Variants in DOCK7 observed in about 807,000 individuals in gnomAD.
DOCK7 encodes the protein dedicator of cytokinesis protein 7.
In DOCK7, 138 loss-of-function variants were observed where a neutral mutation model predicts 271.0. That is an observed-to-expected ratio of 0.51 (90% CI 0.44 to 0.59). The LOEUF (loss-of-function observed/expected upper bound fraction) is 0.59, where lower values mean the gene tolerates loss of function less well. Ranked by LOEUF, DOCK7 falls within the 20% of genes least tolerant of loss-of-function variation. DOCK7 has a pLI of 0.00. For synonymous variants in DOCK7, 823 were observed against 876.1 expected, an observed-to-expected ratio of 0.94 and a Z score of 1.07; for missense variants, 2,066 against 2,592.4, an observed-to-expected ratio of 0.80 and a Z score of 4.41.
At chr1:62,503,505 A>G (rs1250727450) in intron 37 of DOCK7, among the ~76,000 whole-genome samples, 1 of 151,588 alleles carries the variant, frequency 6.6e-6, no homozygotes, top group African/African-American at 2.4e-5. Context: ...TGGTGTGTTC[A>G]TAGCTCACTG....
intron 14 of DOCK7, among the ~76,000 whole-genome samples, chr1:62,589,129 G>T (rs1037838942): frequency 2.0e-5 from 3 of 152,206 alleles, no homozygotes; most frequent in Non-Finnish European, 2.9e-5. Flanking sequence ...CATTTATGAA[G>T]AGTGCTTTCC....
In DOCK7 at chr1:62,577,728, A is replaced by C. The variant is rs537483104; in HGVS notation, c.2011-365T>G. On this transcript the variant is annotated intron_variant, in intron 17 of 49. Transcript: ENST00000635253. The stretch of plus-strand genomic sequence containing the variant: ...AATTGATTGAGACAGGAATGATAGA[A>C]ACAAAAAGTATGATCATAAATTTAT... 3.9e-5 allele frequency among the ~76,000 whole-genome samples: 6 copies of C among 152,326 alleles called. No individual in the cohort carries two copies. In the South Asian group the frequency reaches 1.2e-3, roughly 32 times the overall value.
intron 1 of DOCK7, among the ~76,000 whole-genome samples, chr1:62,676,416 GT>G (rs1660554705): frequency 6.6e-6 from 1 of 152,162 alleles, no homozygotes; most frequent in African/African-American, 2.4e-5. Flanking sequence ...AATTTTTTGG[GT>G]GATGGAAACG....
chr1:62,502,091 G>C lies in DOCK7; in HGVS notation c.4764+2539C>G, dbSNP rs184064880. ...AACTTTCACTATTTGCTTGATAGAA[G>C]GAAATAAGTTCTGGCTACTAGATAT... is the stretch of plus-strand genomic sequence containing the variant. On this transcript the variant is annotated intron_variant, in intron 37 of 49. Coordinates refer to ENST00000635253, the MANE Select transcript of DOCK7 (RefSeq NM_001367561.1). Among the ~76,000 whole-genome samples the C allele has an allele frequency of 3.5e-3, 535 of 151,944 alleles. 7 individuals are homozygous for C. The highest frequency in any genetic ancestry group is 0.012 in the African/African-American group (515 of 41,422).
intron 18 of DOCK7, among the ~76,000 whole-genome samples, chr1:62,573,278 G>C (rs1008072877): frequency 1.3e-5 from 2 of 152,198 alleles, no homozygotes; most frequent in African/African-American, 2.4e-5. Context: ...AGTGCAGAGA[G>C]AAAGGGATGT....
Position 62,658,362 on chromosome 1 carries a change from G to A in DOCK7, c.145-4203C>T, listed in dbSNP as rs138832406. The stretch of plus-strand genomic sequence containing the variant: ...CCAGCTACTCGGGAGGCTGCGGCAT[G>A]AGAATCGCTTGAATCTGCCTCCAGG... On this transcript the variant is annotated intron_variant, in intron 2 of 49. Coordinates refer to ENST00000635253, the MANE Select transcript of DOCK7 (RefSeq NM_001367561.1). Among the ~76,000 whole-genome samples the A allele has an allele frequency of 3.9e-3, 588 of 152,086 alleles. 7 individuals carry two copies. The highest frequency in any genetic ancestry group is 0.013 in the African/African-American group (524 of 41,502).
intron 18 of DOCK7, among the ~76,000 whole-genome samples, chr1:62,565,005 G>T (rs978312325): frequency 6.6e-6 from 1 of 152,148 alleles, no homozygotes; most frequent in East Asian, 1.9e-4. Context: ...CCAGGAAGAA[G>T]TCGAATCCCT....
intron 7 of DOCK7, chr1:62,641,579 C>T (rs1656030260): frequency 2.1e-6 from 1 of 473,828 alleles, no homozygotes; most frequent in Admixed American, 2.3e-5. Flanking sequence ...TAACTTGTTT[C>T]TGTAGAAATT....
intron 41 of DOCK7, among the ~76,000 whole-genome samples, chr1:62,489,954 A>G (rs1023005997): frequency 6.6e-6 from 1 of 152,096 alleles, no homozygotes; most frequent in Non-Finnish European, 1.5e-5. Flanking sequence ...TTGAGCCACC[A>G]GATTTCCTTC....
At chr1:62,678,754 CTAAGA>C (rs1660799029) in intron 1 of DOCK7, among the ~76,000 whole-genome samples, 1 of 151,734 alleles carries the variant, frequency 6.6e-6, no homozygotes, top group Non-Finnish European at 1.5e-5. Flanking sequence ...CTGATTATAC[CTAAGA>C]TTATTTATAA....
intron 16 of DOCK7, among the ~76,000 whole-genome samples, chr1:62,580,542 C>T (rs1204132651): frequency 6.6e-6 from 1 of 152,072 alleles, no homozygotes; most frequent in Admixed American, 6.6e-5. Context: ...CACTTCTGTC[C>T]TAAAAATCAT....
chr1:62,652,565 C>T (rs1657519858), intron 4 of DOCK7, among the ~76,000 whole-genome samples: 1 of 151,960 alleles, frequency 6.6e-6, no homozygotes, highest in Non-Finnish European at 1.5e-5. Context: ...ATAAAATGCC[C>T]AGCACACAGT....
At position 62,662,524 on chromosome 1, in the gene DOCK7, AG is replaced by A. The variant is rs1416861088; in HGVS notation, c.144+500del. 2.6e-5 allele frequency among the ~76,000 whole-genome samples: 4 copies of A among 152,244 alleles called. No homozygotes were observed. In the East Asian group the frequency reaches 7.7e-4, roughly 29 times the overall value. On this transcript the variant is annotated intron_variant, in intron 2 of 49. Coordinates refer to ENST00000635253, the MANE Select transcript of DOCK7 (RefSeq NM_001367561.1). The stretch of plus-strand genomic sequence containing the variant: ...ACACCTGTAATCCCAGCAATTTGGG[AG>A]GCCGAGGAAGGTGGATCACAAGGTC...
At position 62,663,057 on chromosome 1, in the gene DOCK7, T is replaced by G; in HGVS notation, c.112A>C (p.Asn38His). The change falls in exon 2 of 50, where the codon AAT (asparagine) becomes CAT (histidine). Residue 38 changes from asparagine (N) to histidine (H), a missense_variant. By Grantham distance (68) the Asn-to-His change is moderately conservative. Around this residue, in one of 2 missense-constraint regions of DOCK7, gnomAD observed 1,414 missense variants for 1,670.4 expected, o/e 0.85. Transcript: ENST00000635253. Reference sequence around the variant, plus strand: ...TGATGGGATATATTGCCAACAATATTAAGGTTTTTGAGCAGTTGGGGAGAA... The same window carrying G: ...TGATGGGATATATTGCCAACAATATGAAGGTTTTTGAGCAGTTGGGGAGAA... Reference protein sequence around the residue: ...SGSPQLLKNLNIVGNISHHTT... With the variant: ...SGSPQLLKNLHIVGNISHHTT... 1 of 1,613,992 alleles carries G rather than the reference T, an allele frequency of 6.2e-7. No individual in the cohort carries two copies. The highest frequency in any genetic ancestry group is 1.3e-5 in the African/African-American group (1 of 75,026).
chr1:62,614,966 C>T (rs1285127295), intron 14 of DOCK7, among the ~76,000 whole-genome samples: 2 of 151,840 alleles, frequency 1.3e-5, no homozygotes, highest in Non-Finnish European at 2.9e-5. Context: ...TAGCTTAAAA[C>T]CTTAGTTTCC....
intron 14 of DOCK7, among the ~76,000 whole-genome samples, chr1:62,617,133 TG>T (rs1180330089): frequency 6.7e-6 from 1 of 148,514 alleles, no homozygotes; most frequent in Non-Finnish European, 1.5e-5. Flanking sequence ...TCCAGGATAA[TG>T]GTAAATAGGC....
intron 31 of DOCK7, among the ~76,000 whole-genome samples, chr1:62,519,486 C>G (rs1045610323): frequency 4.6e-5 from 7 of 151,960 alleles, no homozygotes; most frequent in African/African-American, 1.7e-4. Flanking sequence ...AAATTTAAGA[C>G]AAAAACAACT....
intron 2 of DOCK7, among the ~76,000 whole-genome samples, chr1:62,655,797 T>C (rs112548469): frequency 0.011 from 1,651 of 152,364 alleles, 12 homozygotes; most frequent in Non-Finnish European, 0.018. Flanking sequence ...AAGATAGTAG[T>C]TATTTATCAT....
Position 62,524,931 on chromosome 1 carries a change from CTATATATA to C in DOCK7, c.3936+3212_3936+3219del, listed in dbSNP as rs147371901. 1.9e-4 allele frequency among the ~76,000 whole-genome samples: 20 copies of C among 103,612 alleles called. 1 individual carries two copies. Among genetic ancestry groups the C allele is most frequent in the South Asian group, 3.4e-4 (1 of 2,910 alleles). 68.0% of individuals were successfully genotyped at this position (103,612 alleles called of 152,430 possible). ...AACAAAACAAAACCAACCAACCAAACTATATATATATATATATATATATATTACTATAA... is the reference window on the plus strand; with the variant it reads ...AACAAAACAAAACCAACCAACCAAACTATATATATATATATATTACTATAA... On this transcript the variant is annotated intron_variant, in intron 31 of 49. Coordinates refer to ENST00000635253, the MANE Select transcript of DOCK7 (RefSeq NM_001367561.1).
Sources: allele counts gnomAD v4.1 joint callset (sites outside exome capture counted in the v4.1 genomes callset), GRCh38; gene constraint gnomAD v4.1.1; regional missense constraint gnomAD v4.1.1; transcripts MANE v1.5; gene names NCBI Gene and HGNC (gene_info 2026-07-23, HGNC 2026-07-21).